The following CNOT6 variants were observed in gnomAD, a reference collection of about 807,000 sequenced individuals.
The protein encoded by CNOT6 is carbon catabolite repression 4 protein.
A neutral mutation model predicts 61.2 loss-of-function variants in CNOT6; 12 were observed. The ratio of observed to expected loss-of-function variants is 0.20; its 90% CI spans 0.13 to 0.32. The LOEUF (loss-of-function observed/expected upper bound fraction) is 0.32, where lower values mean the gene tolerates loss of function less well. Among genes scored for constraint, CNOT6 ranks in the 10% least tolerant of loss-of-function variants. CNOT6 has a pLI of 1.00. For synonymous variants in CNOT6, 225 were observed against 240.6 expected, an observed-to-expected ratio of 0.94 and a Z score of 0.60; for missense variants, 405 against 663.9, an observed-to-expected ratio of 0.61 and a Z score of 4.28.
At chr5:180,500,575 C>T (rs565591602) in intron 1 of CNOT6, among the ~76,000 whole-genome samples, 1 of 152,104 alleles carries the variant, frequency 6.6e-6, no homozygotes, top group Non-Finnish European at 1.5e-5. Flanking sequence ...GCTGGGACTA[C>T]AGGCACCTGC....
At chr5:180,515,709 A>G (rs1301390080) in intron 1 of CNOT6, among the ~76,000 whole-genome samples, 1 of 152,078 alleles carries the variant, frequency 6.6e-6, no homozygotes, top group Non-Finnish European at 1.5e-5. Flanking sequence ...AGTAGCTCTA[A>G]GGAGCCTGAT....
Position 180,569,315 on chromosome 5 carries a change from A to G in CNOT6, c.1233A>G (p.Ala411=). The G allele has an allele frequency of 6.2e-7, 1 of 1,612,330 alleles. No homozygotes were observed. Among genetic ancestry groups the G allele is most frequent in the Non-Finnish European group, 8.5e-7 (1 of 1,178,520 alleles). Residue 411 remains alanine (A), a synonymous_variant, in exon 10 of 12, where the codon GCA becomes GCG. Coordinates refer to ENST00000261951, the MANE Select transcript of CNOT6 (RefSeq NM_001370472.1). ...EFGTIPLVLC[A]DLNSLPDSGV... ...GAACTATTCCACTTGTGTTATGTGC[A>G]GATCTTAATTCTTTGCCAGACTCTG...
intron 1 of CNOT6, among the ~76,000 whole-genome samples, chr5:180,497,610 A>T (rs148690827): frequency 6.6e-6 from 1 of 152,308 alleles, no homozygotes; most frequent in East Asian, 1.9e-4. Context: ...ACTTTGGAAA[A>T]GTCCTAATAG....
intron 1 of CNOT6, among the ~76,000 whole-genome samples, chr5:180,524,664 A>G (rs1758016324): frequency 6.6e-6 from 1 of 152,202 alleles, no homozygotes; most frequent in Admixed American, 6.5e-5. Flanking sequence ...TGGTTTTCAG[A>G]TTTCTTAGTC....
Position 180,577,162 on chromosome 5 carries a change from A to AGT in CNOT6, c.*2962_*2963insGT, listed in dbSNP as rs1561672239. The AGT allele has an allele frequency of 1.7e-4, 6 of 35,184 alleles. No individual in the cohort carries two copies. Among genetic ancestry groups the AGT allele is most frequent in the African/African-American group, 4.3e-4 (6 of 14,046 alleles). 2.2% of individuals were successfully genotyped at this position (35,184 alleles called of 1,614,324 possible). On this transcript the variant is annotated 3_prime_UTR_variant, in exon 12 of 12. Transcript: ENST00000261951. Reference sequence around the variant, plus strand: ...AAGATAGGCAGAGAACATCTCCAGAAATGTGTGTGTGTGTGTGTGTGTGTG... The same window carrying AGT: ...AAGATAGGCAGAGAACATCTCCAGAAGTATGTGTGTGTGTGTGTGTGTGTGTG...
At chr5:180,568,283 T>C (rs913135001) in intron 9 of CNOT6, among the ~76,000 whole-genome samples, 1 of 151,630 alleles carries the variant, frequency 6.6e-6, no homozygotes, top group Non-Finnish European at 1.5e-5. Context: ...AATGTTGAAG[T>C]AAATATTAAT....
At chr5:180,499,536 A>G (rs1756771092) in intron 1 of CNOT6, among the ~76,000 whole-genome samples, 1 of 152,238 alleles carries the variant, frequency 6.6e-6, no homozygotes, top group Admixed American at 6.5e-5. Context: ...TAATTTATAC[A>G]GTCAGTTCTG....
At chr5:180,515,930 C>A (rs1358625357) in intron 1 of CNOT6, among the ~76,000 whole-genome samples, 1 of 152,070 alleles carries the variant, frequency 6.6e-6, no homozygotes, top group African/African-American at 2.4e-5. Context: ...TTTTTGAGAT[C>A]AGGGTCTCAC....
At chr5:180,555,559 A>C (rs533593982) in intron 4 of CNOT6, among the ~76,000 whole-genome samples, 1 of 152,252 alleles carries the variant, frequency 6.6e-6, no homozygotes, top group South Asian at 2.1e-4. Flanking sequence ...TACTGGTTTT[A>C]CTTCCTTTGG....
At chr5:180,516,472 G>A (rs201171780) in intron 1 of CNOT6, among the ~76,000 whole-genome samples, 3 of 152,064 alleles carry the variant, frequency 2.0e-5, no homozygotes, top group East Asian at 3.9e-4. Context: ...GAGCCACCGC[G>A]CCCAGCTCCA....
intron 1 of CNOT6, among the ~76,000 whole-genome samples, chr5:180,527,296 G>A (rs557661134): frequency 6.6e-6 from 1 of 152,254 alleles, no homozygotes; most frequent in East Asian, 1.9e-4. Context: ...TGCCTCTTAA[G>A]TCATTTATTC....
At chr5:180,564,441 A>G in intron 4 of CNOT6, 48 bp from the exon 5 acceptor site, 2 of 1,296,902 alleles carry the variant, frequency 1.5e-6, no homozygotes, top group Non-Finnish European at 2.2e-6. Context: ...AAATTTTGAA[A>G]CATTTTATTA....
chr5:180,552,563 G>A (rs1759670655), intron 3 of CNOT6, among the ~76,000 whole-genome samples: 1 of 151,562 alleles, frequency 6.6e-6, no homozygotes, highest in Admixed American at 6.6e-5. Flanking sequence ...GGAGAATGGC[G>A]TGAACCCGGG....
chr5:180,518,918 G>GC (rs1757766599), intron 1 of CNOT6, among the ~76,000 whole-genome samples: 1 of 152,288 alleles, frequency 6.6e-6, no homozygotes, highest in East Asian at 1.9e-4. Context: ...TTGCCATGTT[G>GC]CCCAGGCTGG....
chr5:180,498,676 A>G (rs1211301577), intron 1 of CNOT6, among the ~76,000 whole-genome samples: 1 of 152,244 alleles, frequency 6.6e-6, no homozygotes, highest in Non-Finnish European at 1.5e-5. Context: ...AGCAGAAGAG[A>G]GAGCCAAAAT....
At chr5:180,560,959 T>TATCG (rs1554102836) in intron 4 of CNOT6, among the ~76,000 whole-genome samples, 1 of 25,244 alleles carries the variant, frequency 4.0e-5, no homozygotes, top group Non-Finnish European at 8.9e-5. Context: ...CTTATCTATC[T>TATCG]ATCAATCAAT....
intron 4 of CNOT6, among the ~76,000 whole-genome samples, chr5:180,559,975 G>A (rs1760085660): frequency 6.8e-6 from 1 of 147,746 alleles, no homozygotes; most frequent in Non-Finnish European, 1.5e-5. Context: ...TTGAGACAGA[G>A]TCTCGCTCTG....
At chr5:180,504,907 A>G (rs1454026573) in intron 1 of CNOT6, among the ~76,000 whole-genome samples, 1 of 151,646 alleles carries the variant, frequency 6.6e-6, no homozygotes, top group African/African-American at 2.4e-5. Flanking sequence ...TCTTACTGAT[A>G]ATTGATAGCT....
intron 2 of CNOT6, among the ~76,000 whole-genome samples, chr5:180,533,311 CCTATATATATATATATATATAT>C (rs1367885823): frequency 1.5e-5 from 1 of 65,226 alleles, no homozygotes; most frequent in Admixed American, 1.5e-4. Flanking sequence ...TGGATGAAAA[CCTATATATATATATATATATAT>C]ATATATATAT....
Sources: allele counts gnomAD v4.1 joint callset (sites outside exome capture counted in the v4.1 genomes callset), GRCh38; gene constraint gnomAD v4.1.1; transcripts MANE v1.5; gene names NCBI Gene and HGNC (gene_info 2026-07-23, HGNC 2026-07-21).